The following CIB4 variants were observed in gnomAD, a reference collection of about 807,000 sequenced individuals.
CIB4 encodes the protein calcium and integrin-binding family member 4.
Under a neutral mutation model 25.8 loss-of-function variants are expected in CIB4, and 25 were observed. That is an observed-to-expected ratio of 0.97 (90% CI 0.71 to 1.35). CIB4 has a LOEUF of 1.35. Among genes scored for constraint, CIB4 ranks in the 40% most tolerant of loss-of-function variants. The pLI is 0.00. For synonymous variants in CIB4, 75 were observed against 81.4 expected (o/e 0.92, Z 0.42); for missense variants, 235 against 228.2 (o/e 1.03, Z -0.19).
rs193239125 is a variant in CIB4, at chr2:26,624,302, C to T, written c.186+5108G>A. On this transcript the variant is annotated intron_variant, in intron 3 of 6. Coordinates refer to ENST00000288861, the MANE Select transcript of CIB4 (RefSeq NM_001029881.3). ...GTGAGTCACGCAGCTCCCGTCCTTGCGGCCACAGAGGATGCAGGCACAGCC... is the reference window on the plus strand; with the variant it reads ...GTGAGTCACGCAGCTCCCGTCCTTGTGGCCACAGAGGATGCAGGCACAGCC... 4.5e-3 allele frequency among the ~76,000 whole-genome samples: 692 copies of T among 152,312 alleles called. 3 individuals are homozygous for T. The highest frequency in any genetic ancestry group is 0.016 in the African/African-American group (663 of 41,576).
intron 4 of CIB4, 39 bp from the exon 5 acceptor site, chr2:26,583,937 G>T (rs754777355): frequency 2.2e-6 from 3 of 1,348,136 alleles, no homozygotes; most frequent in Non-Finnish European, 3.2e-6. Flanking sequence ...GACGGAGCTG[G>T]GGGCTAAACA....
intron 3 of CIB4, among the ~76,000 whole-genome samples, chr2:26,614,849 C>T (rs973824778): frequency 7.2e-5 from 11 of 152,224 alleles, no homozygotes; most frequent in Admixed American, 3.9e-4. Context: ...GCAACTTGCC[C>T]GGAAGCCTGA....
intron 4 of CIB4, among the ~76,000 whole-genome samples, chr2:26,589,054 TTCTTCCTCTTCCTCTTCC>T (rs1558554805): frequency 7.5e-4 from 30 of 39,984 alleles, no homozygotes; most frequent in African/African-American, 2.7e-3. Context: ...CTTCTTCTTC[TTCTTCCTCTTCCTCTTCC>T]TCTTCTTCTT....
At chr2:26,598,487 A>G (rs1005714843) in intron 3 of CIB4, among the ~76,000 whole-genome samples, 1 of 152,172 alleles carries the variant, frequency 6.6e-6, no homozygotes, top group Non-Finnish European at 1.5e-5. Flanking sequence ...TGGAGCTGAC[A>G]CGGAGCAACT....
rs575849060 is a variant in CIB4 at position 26,641,162 on chromosome 2, A to T, written c.54+99T>A. On this transcript the variant is annotated intron_variant, in intron 1 of 6. Transcript: ENST00000288861. ...GTGGCCCAGGGAAGCCAAAAATTGG[A>T]CACCCCTGCTAGAGCGTCAGGAAGG... The T allele has an allele frequency of 6.9e-6, 7 of 1,010,978 alleles. No individual in the cohort carries two copies. In the Admixed American group the frequency reaches 1.2e-4, roughly 17 times the overall value. 62.6% of individuals were successfully genotyped at this position (1,010,978 alleles called of 1,614,324 possible).
At chr2:26,624,707 T>C (rs936171599) in intron 3 of CIB4, among the ~76,000 whole-genome samples, 3 of 119,838 alleles carry the variant, frequency 2.5e-5, no homozygotes, top group Non-Finnish European at 4.8e-5. Flanking sequence ...GAATAAAAAG[T>C]CTGGGACCAG....
chr2:26,581,303 G>A lies in CIB4; in HGVS notation c.*60C>T. The stretch of plus-strand genomic sequence containing the variant: ...TTCAAACCAGCTCCCTCCAGTGCTG[G>A]AGGGGGTTCGATTCCTGTGGTCTCC... On this transcript the variant is annotated 3_prime_UTR_variant, in exon 7 of 7. Transcript: ENST00000288861. 7.0e-7 allele frequency: 1 copy of A among 1,428,358 alleles called. No homozygotes were observed. The highest frequency in any genetic ancestry group is 9.9e-7 in the Non-Finnish European group (1 of 1,010,910). 88.5% of individuals were successfully genotyped at this position (1,428,358 alleles called of 1,614,324 possible).
At chr2:26,601,978 G>A (rs1036040290) in intron 3 of CIB4, among the ~76,000 whole-genome samples, 5 of 152,226 alleles carry the variant, frequency 3.3e-5, no homozygotes, top group Non-Finnish European at 4.4e-5. Context: ...GTGGTTGTGG[G>A]AGGGGGAATG....
At chr2:26,601,672 A>G (rs77237870) in intron 3 of CIB4, among the ~76,000 whole-genome samples, 2,897 of 152,276 alleles carry the variant, frequency 0.019, 95 homozygotes, top group African/African-American at 0.065. Flanking sequence ...ATTGGAGTAT[A>G]TTAAAAATTT....
chr2:26,610,229 T>A (rs902227574), intron 3 of CIB4, among the ~76,000 whole-genome samples: 1 of 117,738 alleles, frequency 8.5e-6, no homozygotes, highest in Non-Finnish European at 2.1e-5. Flanking sequence ...AGGCTGTAGA[T>A]CTTTGCATCA....
intron 4 of CIB4, among the ~76,000 whole-genome samples, chr2:26,584,526 T>C (rs1021090267): frequency 2.6e-5 from 4 of 152,220 alleles, no homozygotes; most frequent in Admixed American, 2.0e-4. Context: ...GGGCTGGCCA[T>C]ACTGACCCTG....
chr2:26,594,601 T>G (rs1008948273), intron 4 of CIB4, among the ~76,000 whole-genome samples: 1 of 152,256 alleles, frequency 6.6e-6, no homozygotes, highest in East Asian at 1.9e-4. Context: ...CTTTCTTTCC[T>G]TTTGATTCCT....
chr2:26,585,904 C>T (rs1668443492), intron 4 of CIB4, among the ~76,000 whole-genome samples: 1 of 152,064 alleles, frequency 6.6e-6, no homozygotes, highest in Admixed American at 6.5e-5. Context: ...GCACTCACAG[C>T]TGTCCCCTCC....
chr2:26,598,281 CAGAG>C (rs921170642), intron 3 of CIB4, among the ~76,000 whole-genome samples: 1 of 149,096 alleles, frequency 6.7e-6, no homozygotes, highest in Non-Finnish European at 1.5e-5. Context: ...GCCTGGGTGA[CAGAG>C]GGAGACTCCA....
intron 3 of CIB4, chr2:26,623,537 G>T (rs749740885): frequency 8.5e-6 from 4 of 471,406 alleles, no homozygotes; most frequent in Admixed American, 7.0e-5. Context: ...ACTCAGAAAG[G>T]CTCGGAAAAC....
chr2:26,590,176 A>T (rs1216998899), intron 4 of CIB4, among the ~76,000 whole-genome samples: 1 of 147,810 alleles, frequency 6.8e-6, no homozygotes, highest in East Asian at 2.1e-4. Context: ...CGAGCCATCC[A>T]GGGAGCTTCC....
chr2:26,622,848 C>T (rs568993758), intron 3 of CIB4, among the ~76,000 whole-genome samples: 4 of 151,922 alleles, frequency 2.6e-5, no homozygotes, highest in East Asian at 1.9e-4. Context: ...CCAGGCATGG[C>T]GGCACGCGCC....
chr2:26,612,215 G>T (rs1669007928), intron 3 of CIB4, among the ~76,000 whole-genome samples: 1 of 152,144 alleles, frequency 6.6e-6, no homozygotes, highest in Non-Finnish European at 1.5e-5. Context: ...CCCAGTGAGG[G>T]GCTGATGTGC....
intron 6 of CIB4, 64 bp from the exon 7 acceptor site, chr2:26,581,457 G>A (rs1252850208): frequency 2.7e-6 from 4 of 1,509,308 alleles, no homozygotes; most frequent in South Asian, 1.1e-5. Context: ...TGACTCCTGG[G>A]TTCACAGTAG....
Sources: gnomAD v4.1 joint callset for allele counts (sites outside exome capture counted in the v4.1 genomes callset) on GRCh38, gnomAD v4.1.1 for gene constraint, MANE v1.5 for transcripts, NCBI Gene and HGNC (gene_info 2026-07-23, HGNC 2026-07-21) for gene names.